TRPC4: variants seen among roughly 807,000 people sequenced by gnomAD.
The protein encoded by TRPC4 is transient receptor potential cation channel subfamily C member 4, also known as short transient receptor potential channel 4.
TRPC4 carries 49 observed loss-of-function variants against 99.4 expected under a neutral mutation model. The ratio of observed to expected loss-of-function variants is 0.49; its 90% CI spans 0.39 to 0.63. TRPC4 has a LOEUF of 0.63. Among genes scored for constraint, TRPC4 ranks in the 20% least tolerant of loss-of-function variants. The pLI, the probability that TRPC4 is intolerant of heterozygous loss-of-function variation, is 0.00. For synonymous variants in TRPC4, 454 were observed against 425.9 expected (o/e 1.07, Z -0.81); for missense variants, 898 against 1,152.9 (o/e 0.78, Z 3.20).
intron 1 of TRPC4, among the ~76,000 whole-genome samples, chr13:37,824,877 A>G: frequency 6.6e-6 from 1 of 152,138 alleles, no homozygotes; most frequent in Non-Finnish European, 1.5e-5. Context: ...CTCTGGCAGA[A>G]TTCGGCTGTG....
At chr13:37,843,679 G>A (rs1173957965) in intron 1 of TRPC4, among the ~76,000 whole-genome samples, 1 of 112,854 alleles carries the variant, frequency 8.9e-6, no homozygotes, top group Non-Finnish European at 1.8e-5. Context: ...CTGATGTTTG[G>A]TGACACACAC....
chr13:37,644,859 C>T (rs1397865431), intron 8 of TRPC4, among the ~76,000 whole-genome samples: 10 of 102,306 alleles, frequency 9.8e-5, no homozygotes, highest in Admixed American at 1.6e-4. Flanking sequence ...GGCAACAGAG[C>T]GAGACTCCAT....
chr13:37,840,723 T>C (rs1220422784), intron 1 of TRPC4, among the ~76,000 whole-genome samples: 3 of 152,096 alleles, frequency 2.0e-5, no homozygotes, highest in African/African-American at 4.8e-5. Flanking sequence ...TAGTGAACTA[T>C]AAATTTATTT....
intron 3 of TRPC4, among the ~76,000 whole-genome samples, chr13:37,738,387 T>C (rs1342112542): frequency 6.6e-6 from 1 of 152,136 alleles, no homozygotes; most frequent in Non-Finnish European, 1.5e-5. Context: ...ATCAGATACA[T>C]TTGGGACCCA....
intron 3 of TRPC4, among the ~76,000 whole-genome samples, chr13:37,716,473 T>C (rs61955495): frequency 0.1 from 15,586 of 152,252 alleles, 975 homozygotes; most frequent in Middle Eastern, 0.2. Flanking sequence ...GGGTAGCTCA[T>C]GAAGAGAGCA....
intron 1 of TRPC4, among the ~76,000 whole-genome samples, chr13:37,796,714 T>G (rs1957254197): frequency 6.6e-6 from 1 of 151,812 alleles, no homozygotes; most frequent in Admixed American, 6.6e-5. Context: ...GTAATGGACT[T>G]AGCCCTATTT....
At chr13:37,679,821 T>C (rs1953176898) in intron 4 of TRPC4, among the ~76,000 whole-genome samples, 1 of 152,180 alleles carries the variant, frequency 6.6e-6, no homozygotes, top group Admixed American at 6.6e-5. Context: ...AAGGAGTATA[T>C]CAGAACTAAG....
intron 3 of TRPC4, among the ~76,000 whole-genome samples, chr13:37,701,674 A>G (rs372070887): frequency 1.3e-5 from 2 of 152,216 alleles, no homozygotes; most frequent in East Asian, 1.9e-4. Flanking sequence ...GGAACAAACT[A>G]CTGTACGTGA....
intron 2 of TRPC4, among the ~76,000 whole-genome samples, chr13:37,763,404 G>C (rs1036911533): frequency 1.3e-5 from 2 of 151,472 alleles, no homozygotes; most frequent in Non-Finnish European, 3.0e-5. Context: ...AGAAAACGAG[G>C]CATCACCTGA....
At chr13:37,827,800 C>T (rs1054196230) in intron 1 of TRPC4, among the ~76,000 whole-genome samples, 1 of 152,118 alleles carries the variant, frequency 6.6e-6, no homozygotes, top group African/African-American at 2.4e-5. Flanking sequence ...TGGGCTCCAC[C>T]CAGTTCCAGC....
At chr13:37,640,499 G>A (rs1208789136) in intron 8 of TRPC4, among the ~76,000 whole-genome samples, 1 of 152,098 alleles carries the variant, frequency 6.6e-6, no homozygotes, top group Non-Finnish European at 1.5e-5. Flanking sequence ...GTTCCTAAAG[G>A]TCACTAATTA....
chr13:37,745,457 T>TACGC (rs1425593668), intron 3 of TRPC4, among the ~76,000 whole-genome samples: 93 of 8,022 alleles, frequency 0.012, no homozygotes, highest in South Asian at 0.098. Context: ...TATATATATA[T>TACGC]ATATATATAT....
At chr13:37,707,993 C>G (rs542182475) in intron 3 of TRPC4, among the ~76,000 whole-genome samples, 5 of 152,142 alleles carry the variant, frequency 3.3e-5, no homozygotes, top group Non-Finnish European at 5.9e-5. Flanking sequence ...CCTTTACTGA[C>G]TGGGGGAGGA....
chr13:37,787,279 G>A (rs1956995706), intron 1 of TRPC4, among the ~76,000 whole-genome samples: 1 of 151,988 alleles, frequency 6.6e-6, no homozygotes, highest in Non-Finnish European at 1.5e-5. Context: ...TCATGACACA[G>A]TAAGAAACAA....
intron 1 of TRPC4, among the ~76,000 whole-genome samples, chr13:37,840,158 C>T (rs1237557863): frequency 2.0e-5 from 3 of 152,090 alleles, no homozygotes; most frequent in African/African-American, 7.2e-5. Flanking sequence ...GAATAAATCA[C>T]ATCAATTATT....
chr13:37,834,419 T>A (rs968775415), intron 1 of TRPC4, among the ~76,000 whole-genome samples: 2 of 152,172 alleles, frequency 1.3e-5, no homozygotes, highest in Non-Finnish European at 2.9e-5. Flanking sequence ...GCCCACTGGG[T>A]TTTTGTTTAC....
intron 1 of TRPC4, among the ~76,000 whole-genome samples, chr13:37,840,066 C>A (rs987211463): frequency 6.6e-6 from 1 of 151,854 alleles, no homozygotes; most frequent in African/African-American, 2.4e-5. Flanking sequence ...TTTGTGTTTT[C>A]CTCTGAAAAT....
chr13:37,763,166 ATGT>A (rs980735154), intron 2 of TRPC4, among the ~76,000 whole-genome samples: 2 of 151,802 alleles, frequency 1.3e-5, no homozygotes, highest in South Asian at 2.1e-4. Context: ...TTTAAATAAA[ATGT>A]TGTTTGTTGA....
At chr13:37,675,188 A>G (rs1953004536) in intron 4 of TRPC4, among the ~76,000 whole-genome samples, 1 of 152,140 alleles carries the variant, frequency 6.6e-6, no homozygotes, top group Non-Finnish European at 1.5e-5. Context: ...AGATCTTCCT[A>G]GGATGTAGAA....
Sources: gnomAD v4.1 joint callset for allele counts (sites outside exome capture counted in the v4.1 genomes callset) on GRCh38, gnomAD v4.1.1 for gene constraint, MANE v1.5 for transcripts, NCBI Gene and HGNC (gene_info 2026-07-23, HGNC 2026-07-21) for gene names.